CLNK: variants seen among roughly 807,000 people sequenced by gnomAD.
The protein encoded by CLNK is cytokine dependent hematopoietic cell linker, also known as cytokine-dependent hematopoietic cell linker.
CLNK carries 74 observed loss-of-function variants against 68.6 expected under a neutral mutation model. The observed-to-expected ratio is 1.08, with a 90% CI of 0.89 to 1.31. CLNK has a LOEUF of 1.31. Ranked by LOEUF, CLNK falls within the 50% of genes most tolerant of loss-of-function variation. The probability of loss-of-function intolerance (pLI) is 0.00; values close to 1 mark genes in which losing one functional copy is unlikely to be tolerated. For synonymous variants in CLNK, 198 were observed against 172.2 expected, an observed-to-expected ratio of 1.15 and a Z score of -1.17; for missense variants, 553 against 515.3, an observed-to-expected ratio of 1.07 and a Z score of -0.71.
chr4:10,719,795 A>C, the CLNK span, among the ~76,000 whole-genome samples: 1 of 152,190 alleles, frequency 6.6e-6, no homozygotes, highest in Non-Finnish European at 1.5e-5. Context: ...TAGAACATAT[A>C]TCAAGACAGA....
chr4:10,635,509 C>G (rs536984266), intron 2 of CLNK, among the ~76,000 whole-genome samples: 16 of 152,256 alleles, frequency 1.1e-4, no homozygotes, highest in Admixed American at 3.9e-4. Flanking sequence ...TACTTAGATA[C>G]TCTCCACCAT....
At chr4:10,534,827 A>G (rs1256352474) in intron 11 of CLNK, among the ~76,000 whole-genome samples, 1 of 152,206 alleles carries the variant, frequency 6.6e-6, no homozygotes, top group Non-Finnish European at 1.5e-5. Flanking sequence ...GTTTCCCCCA[A>G]TAGCAACAAC....
intron 17 of CLNK, among the ~76,000 whole-genome samples, chr4:10,504,995 G>C (rs975489608): frequency 6.6e-6 from 1 of 152,208 alleles, no homozygotes; most frequent in African/African-American, 2.4e-5. Context: ...TGCTGGAAGA[G>C]CATCAGGTGA....
intron 11 of CLNK, among the ~76,000 whole-genome samples, chr4:10,538,644 T>C (rs1190707826): frequency 1.3e-5 from 2 of 152,224 alleles, no homozygotes; most frequent in Non-Finnish European, 2.9e-5. Context: ...GCAAATCTGC[T>C]TACTCCTAGT....
At chr4:10,512,468 T>G (rs1464801235) in intron 16 of CLNK, among the ~76,000 whole-genome samples, 1 of 152,010 alleles carries the variant, frequency 6.6e-6, no homozygotes, top group Non-Finnish European at 1.5e-5. Context: ...TGACCTCAGG[T>G]GACCTACCCA....
At chr4:10,702,335 C>T in the CLNK span, among the ~76,000 whole-genome samples, 1 of 151,938 alleles carries the variant, frequency 6.6e-6, no homozygotes, top group South Asian at 2.1e-4. Context: ...AAAAATGGGC[C>T]ATAAAGTGAA....
At chr4:10,642,109 A>G (rs181136803) in intron 2 of CLNK, among the ~76,000 whole-genome samples, 1 of 152,346 alleles carries the variant, frequency 6.6e-6, no homozygotes, top group African/African-American at 2.4e-5. Flanking sequence ...TGAGAAACAA[A>G]CTGTGTAAGT....
chr4:10,516,334 G>C (rs1051035926), intron 15 of CLNK, among the ~76,000 whole-genome samples: 1 of 152,144 alleles, frequency 6.6e-6, no homozygotes, highest in Non-Finnish European at 1.5e-5. Flanking sequence ...GTTATGGTTA[G>C]TAACTTAACA....
intron 12 of CLNK, among the ~76,000 whole-genome samples, chr4:10,530,392 G>A (rs1037861871): frequency 7.2e-5 from 11 of 152,318 alleles, no homozygotes; most frequent in South Asian, 4.1e-4. Context: ...AGCACTGAGC[G>A]CAGGCACAAG....
intron 8 of CLNK, among the ~76,000 whole-genome samples, chr4:10,553,443 T>A (rs1719538947): frequency 6.7e-6 from 1 of 148,358 alleles, no homozygotes; most frequent in Non-Finnish European, 1.5e-5. Context: ...CCCATTTATT[T>A]ATTTTTTTAT....
At chr4:10,580,700 T>C (rs1720745476) in intron 4 of CLNK, among the ~76,000 whole-genome samples, 2 of 152,002 alleles carry the variant, frequency 1.3e-5, no homozygotes, top group South Asian at 4.1e-4. Flanking sequence ...AATAAGGACG[T>C]GAGGAAGGGA....
intron 8 of CLNK, among the ~76,000 whole-genome samples, chr4:10,544,873 G>A (rs1042962967): frequency 6.6e-5 from 10 of 152,174 alleles, no homozygotes; most frequent in African/African-American, 1.7e-4. Flanking sequence ...GAGGCTGACT[G>A]TGCTAATGTG....
At chr4:10,641,212 C>T (rs1258248511) in intron 2 of CLNK, among the ~76,000 whole-genome samples, 1 of 151,994 alleles carries the variant, frequency 6.6e-6, no homozygotes, top group Non-Finnish European at 1.5e-5. Flanking sequence ...GGGAGGCTTA[C>T]TCAGTGGGGT....
At chr4:10,613,505 C>T (rs1722111044) in intron 2 of CLNK, among the ~76,000 whole-genome samples, 1 of 152,194 alleles carries the variant, frequency 6.6e-6, no homozygotes, top group Non-Finnish European at 1.5e-5. Context: ...TGACAATACC[C>T]TGTCTGTAGT....
Position 10,566,048 on chromosome 4 carries a change from T to C in CLNK, c.253A>G (p.Ile85Val). The C allele has an allele frequency of 5.6e-6, 9 of 1,613,914 alleles. No individual in the cohort carries two copies. Among genetic ancestry groups the C allele is most frequent in the Non-Finnish European group, 7.6e-6 (9 of 1,179,846 alleles). ...RMEETWQSIK[I>V]LPARPIKESE... ...TCCTTTATAGGCCGGGCTGGTAAAATTTTAATCGACTGCCATGTCTCTTCC... is the reference window on the plus strand; with the variant it reads ...TCCTTTATAGGCCGGGCTGGTAAAACTTTAATCGACTGCCATGTCTCTTCC... The change falls in exon 6 of 19, where the codon ATT becomes GTT. Residue 85 changes from isoleucine to valine, a missense_variant. Ile to Val is a conservative substitution (Grantham distance 29, BLOSUM62 3). Coordinates refer to ENST00000226951, the MANE Select transcript of CLNK (RefSeq NM_052964.4).
chr4:10,577,462 G>A (rs1577141757), intron 4 of CLNK, among the ~76,000 whole-genome samples: 1 of 152,168 alleles, frequency 6.6e-6, no homozygotes, highest in South Asian at 2.1e-4. Flanking sequence ...GTTTAGCTGG[G>A]CACATGGTCG....
Position 10,598,957 on chromosome 4 carries a change from C to A in CLNK, c.12-908G>T, listed in dbSNP as rs118015927. On this transcript the variant is annotated intron_variant, in intron 2 of 18. Transcript: ENST00000226951. ...ACGGGGCCCTTTCAGGTACCGTTCC[C>A]TCTTTATCAGATGCCCTTGTCTTCC... Among the ~76,000 whole-genome samples, 189 of 152,316 alleles carry A rather than the reference C, an allele frequency of 1.2e-3. 1 individual carries two copies. In the East Asian group the frequency reaches 0.028, roughly 23 times the overall value.
intron 15 of CLNK, 26 bp downstream of exon 15, chr4:10,520,764 AT>A: frequency 6.3e-7 from 1 of 1,576,094 alleles, no homozygotes; most frequent in Non-Finnish European, 8.7e-7. Flanking sequence ...TTACCTGTTT[AT>A]TTTATAATTC....
rs1323313865 is a variant in CLNK at position 10,486,539 on chromosome 4, A to T, written c.*3928T>A. 1 of 152,214 alleles carries T rather than the reference A, an allele frequency of 6.6e-6. No individual in the cohort carries two copies. The highest frequency in any genetic ancestry group is 6.5e-5 in the Admixed American group (1 of 15,280). 9.4% of individuals were successfully genotyped at this position (152,214 alleles called of 1,614,324 possible). A position where few individuals can be genotyped will look rare whatever the true frequency, so the allele number is the denominator to read the frequency against. ...AATATACAATATAGGCTATCATAAA[A>T]ATTTGTATTTGTGTACACACATACA... is the stretch of plus-strand genomic sequence containing the variant. On this transcript the variant is annotated 3_prime_UTR_variant, in exon 19 of 19. Transcript: ENST00000226951.
Sources: gnomAD v4.1 joint callset for allele counts (sites outside exome capture counted in the v4.1 genomes callset) on GRCh38, gnomAD v4.1.1 for gene constraint, MANE v1.5 for transcripts, NCBI Gene and HGNC (gene_info 2026-07-23, HGNC 2026-07-21) for gene names.